MYOF: variants seen among roughly 807,000 people sequenced by gnomAD.
MYOF encodes the protein myoferlin.
MYOF carries 244 observed loss-of-function variants against 284.2 expected under a neutral mutation model. That is an observed-to-expected ratio of 0.86 (90% confidence interval 0.77 to 0.95). The LOEUF is 0.95. Ranked by LOEUF, MYOF falls within the 40% of genes least tolerant of loss-of-function variation. The pLI, the probability that MYOF is intolerant of heterozygous loss-of-function variation, is 0.00. For missense variants in MYOF, 2,496 were observed against 2,560.6 expected (o/e 0.97, Z 0.54); for synonymous variants, 904 against 919.7 (o/e 0.98, Z 0.31).
At chr10:93,451,298 C>T (rs1186166771) in intron 3 of MYOF, among the ~76,000 whole-genome samples, 1 of 152,056 alleles carries the variant, frequency 6.6e-6, no homozygotes. Flanking sequence ...CAAGATTGTG[C>T]CACTGCACTC....
chr10:93,428,730 C>G (rs72819010), intron 4 of MYOF, among the ~76,000 whole-genome samples: 16,993 of 152,184 alleles, frequency 0.11, 1,294 homozygotes, highest in Non-Finnish European at 0.16. Context: ...GAATACGACC[C>G]TAGCCACAGT....
At chr10:93,340,254 G>T in intron 38 of MYOF, 90 bp from the exon 39 acceptor site, 1 of 1,362,910 alleles carries the variant, frequency 7.3e-7, no homozygotes, top group Non-Finnish European at 1.0e-6. Flanking sequence ...AGTTTAAAGA[G>T]AAAGAAGCAA....
chr10:93,338,840 G>C (rs1041574657), intron 39 of MYOF, among the ~76,000 whole-genome samples: 5 of 151,630 alleles, frequency 3.3e-5, no homozygotes, highest in Non-Finnish European at 5.9e-5. Context: ...ACTATAGAAG[G>C]CCTCCCACTC....
rs143782049 is a variant in MYOF at position 93,462,369 on chromosome 10, C to T, written c.89-5432G>A. Among the ~76,000 whole-genome samples the T allele has an allele frequency of 8.0e-3, 1,216 of 152,258 alleles. 21 individuals are homozygous for T. Among genetic ancestry groups the T allele is most frequent in the African/African-American group, 0.027 (1,139 of 41,530 alleles). On this transcript the variant is annotated intron_variant, in intron 1 of 53. Coordinates refer to ENST00000359263, the MANE Select transcript of MYOF (RefSeq NM_013451.4). Reference sequence around the variant, plus strand: ...ACAGGCGTGAGACACCGTGCCCGGCCTGCTAAGCCCTTTACATGCATCATT... The same window carrying T: ...ACAGGCGTGAGACACCGTGCCCGGCTTGCTAAGCCCTTTACATGCATCATT...
intron 17 of MYOF, among the ~76,000 whole-genome samples, chr10:93,389,496 A>C (rs1241564220): frequency 6.6e-6 from 1 of 152,230 alleles, no homozygotes; most frequent in East Asian, 1.9e-4. Context: ...TTGGGGCAAA[A>C]GATTATATTG....
chr10:93,320,042 T>C, intron 48 of MYOF, 29 bp from the exon 49 acceptor site: 1 of 1,612,272 alleles, frequency 6.2e-7, no homozygotes, highest in African/African-American at 1.3e-5. Context: ...CAGACTTAGC[T>C]TCACGTGATT....
At chr10:93,421,605 A>G (rs997224374) in intron 5 of MYOF, among the ~76,000 whole-genome samples, 10 of 152,138 alleles carry the variant, frequency 6.6e-5, no homozygotes, top group African/African-American at 2.2e-4. Context: ...CTCCGCAGTA[A>G]TGAATGAGTT....
In MYOF at chr10:93,414,454, G is replaced by A. The variant is rs192982237; in HGVS notation, c.434-4715C>T. 9.2e-5 allele frequency among the ~76,000 whole-genome samples: 14 copies of A among 152,074 alleles called. 1 individual carries two copies. The highest frequency in any genetic ancestry group is 3.4e-4 in the African/African-American group (14 of 41,490). ...CTTGGGAGGCTGAGGCAGGAGAATC[G>A]CTTGAACCTGGAAGGCAGAGGTTGC... On this transcript the variant is annotated intron_variant, in intron 5 of 53. Transcript: ENST00000359263.
chr10:93,376,610 TG>T (rs34924624), intron 22 of MYOF, among the ~76,000 whole-genome samples: 38,812 of 152,148 alleles, frequency 0.26, 6,549 homozygotes, highest in East Asian at 0.87. Flanking sequence ...TAGCCCAGTG[TG>T]GGGAATAAAG....
intron 9 of MYOF, among the ~76,000 whole-genome samples, chr10:93,403,386 C>T (rs1847395664): frequency 6.6e-6 from 1 of 152,158 alleles, no homozygotes; most frequent in South Asian, 2.1e-4. Flanking sequence ...TCTCAATGAT[C>T]CCATTTTACA....
intron 1 of MYOF, among the ~76,000 whole-genome samples, chr10:93,479,740 G>A (rs2057348069): frequency 6.6e-6 from 1 of 152,190 alleles, no homozygotes; most frequent in Non-Finnish European, 1.5e-5. Context: ...TTCCTACTCT[G>A]AGTTGAGTGC....
chr10:93,455,570 T>C (rs1589598314), intron 2 of MYOF, among the ~76,000 whole-genome samples: 1 of 152,118 alleles, frequency 6.6e-6, no homozygotes, highest in South Asian at 2.1e-4. Flanking sequence ...GAGGCTGAGG[T>C]GGGAGGACCA....
In MYOF at chr10:93,378,713, A is replaced by ATATATATATATATATATATATATATG. The variant is rs1338159505; in HGVS notation, c.2001+1149_2001+1150insCATATATATATATATATATATATATA. Among the ~76,000 whole-genome samples the ATATATATATATATATATATATATATG allele has an allele frequency of 6.0e-4, 75 of 124,844 alleles. 1 individual carries two copies. Among genetic ancestry groups the ATATATATATATATATATATATATATG allele is most frequent in the East Asian group, 1.7e-3 (6 of 3,482 alleles). 81.9% of individuals were successfully genotyped at this position (124,844 alleles called of 152,430 possible). A position where few individuals can be genotyped will look rare whatever the true frequency, so the allele number is the denominator to read the frequency against. ...TGTGTGTATATATATATATATATAT[A>ATATATATATATATATATATATATATG]TATGTATATATTTATCTTTTTAGAC... On this transcript the variant is annotated intron_variant, in intron 21 of 53. Coordinates refer to ENST00000359263, the MANE Select transcript of MYOF (RefSeq NM_013451.4).
chr10:93,382,762 T>C (rs1163058199), intron 19 of MYOF, among the ~76,000 whole-genome samples: 1 of 152,214 alleles, frequency 6.6e-6, no homozygotes, highest in African/African-American at 2.4e-5. Context: ...CATGCAATGG[T>C]TTAGGTTGCT....
Position 93,353,900 on chromosome 10 carries a change from G to A in MYOF, c.3404-12C>T. 1.9e-6 allele frequency: 3 copies of A among 1,590,168 alleles called. No homozygotes were observed. The highest frequency in any genetic ancestry group is 1.7e-6 in the Non-Finnish European group (2 of 1,165,574). ...GTAGATGTAGACTCCTAAAAAAACA[G>A]GATAAAGATTACTTACAAGAAGCGT... On this transcript the variant is annotated splice_polypyrimidine_tract_variant and intron_variant, in intron 31 of 53. Coordinates refer to ENST00000359263, the MANE Select transcript of MYOF (RefSeq NM_013451.4).
At chr10:93,335,580 G>T (rs1423724832) in intron 41 of MYOF, among the ~76,000 whole-genome samples, 1 of 137,216 alleles carries the variant, frequency 7.3e-6, no homozygotes, top group East Asian at 1.9e-4. Context: ...AGGATTCAAG[G>T]CTGCTTGGCG....
At chr10:93,400,353 C>T (rs1293370121) in intron 12 of MYOF, among the ~76,000 whole-genome samples, 1 of 138,810 alleles carries the variant, frequency 7.2e-6, no homozygotes, top group Non-Finnish European at 1.5e-5. Flanking sequence ...TAAATAGAGA[C>T]AGTAGTCTTG....
intron 5 of MYOF, among the ~76,000 whole-genome samples, chr10:93,411,285 G>A (rs910725829): frequency 3.9e-5 from 6 of 152,112 alleles, no homozygotes; most frequent in South Asian, 2.1e-4. Context: ...AGGCACCGGC[G>A]GATTCAGTGT....
chr10:93,402,530 C>G (rs1847346896), intron 10 of MYOF, among the ~76,000 whole-genome samples, 183 bp from the exon 11 acceptor site: 1 of 152,032 alleles, frequency 6.6e-6, no homozygotes, highest in African/African-American at 2.4e-5. Context: ...CCACCCCCAC[C>G]ATTCTGTCCT....
Sources: allele counts gnomAD v4.1 joint callset (sites outside exome capture counted in the v4.1 genomes callset), GRCh38; gene constraint gnomAD v4.1.1; transcripts MANE v1.5; gene names NCBI Gene and HGNC (gene_info 2026-07-23, HGNC 2026-07-21).